The following LARP4B variants were observed in gnomAD, a reference collection of about 807,000 sequenced individuals.
LARP4B encodes the protein la-related protein 4B.
LARP4B carries 12 observed loss-of-function variants against 89.8 expected under a neutral mutation model. The observed-to-expected ratio is 0.13, with a 90% CI of 0.09 to 0.22. LARP4B has a LOEUF of 0.22. LARP4B is among the 10% of genes least tolerant of loss of function. The probability of loss-of-function intolerance (pLI) is 1.00; values close to 1 mark genes in which losing one functional copy is unlikely to be tolerated. For missense variants in LARP4B, 757 were observed against 947.7 expected (o/e 0.80, Z 2.64); for synonymous variants, 367 against 363.3 (o/e 1.01, Z -0.12).
At chr10:825,366 T>C (rs756355969) in intron 12 of LARP4B, 50 bp from the exon 13 acceptor site, 1 of 1,562,944 alleles carries the variant, frequency 6.4e-7, no homozygotes, top group African/African-American at 1.4e-5. Context: ...GATCAAGGCA[T>C]TACATAACAT....
At chr10:947,369 G>A in the LARP4B span, among the ~76,000 whole-genome samples, 6 of 152,086 alleles carry the variant, frequency 3.9e-5, no homozygotes, top group Admixed American at 3.3e-4. Flanking sequence ...TGTGGCTCTC[G>A]GGGGCAGGAT....
chr10:912,159 A>T (rs2132023451), intron 1 of LARP4B, among the ~76,000 whole-genome samples: 1 of 152,308 alleles, frequency 6.6e-6, no homozygotes, highest in South Asian at 2.1e-4. Context: ...TCTATTAATA[A>T]AAGTGGAATC....
chr10:973,372 G>A, the LARP4B span, among the ~76,000 whole-genome samples: 3 of 150,994 alleles, frequency 2.0e-5, no homozygotes, highest in Non-Finnish European at 3.0e-5. Context: ...TTTTTTTTGA[G>A]ACGGAGTCTT....
chr10:875,381 T>C (rs1835416128), intron 3 of LARP4B, among the ~76,000 whole-genome samples: 1 of 152,214 alleles, frequency 6.6e-6, no homozygotes, highest in South Asian at 2.1e-4. Flanking sequence ...TCCCCCATAA[T>C]CTGGCCCCAG....
rs1404573224 is a variant in LARP4B, at chr10:810,782, T to TG, written c.*2143dup. 3 of 138,742 alleles carry TG rather than the reference T, an allele frequency of 2.2e-5. No homozygotes were observed. Among genetic ancestry groups the TG allele is most frequent in the African/African-American group, 7.7e-5 (3 of 38,712 alleles). 8.6% of individuals were successfully genotyped at this position (138,742 alleles called of 1,614,324 possible). On this transcript the variant is annotated 3_prime_UTR_variant, in exon 18 of 18. Transcript: ENST00000316157. Reference sequence around the variant, plus strand: ...TTGGGTTTCACAGATCAATTATTTCTGATTTTTTTTTTTTTTTTGGTCAGT... The same window carrying TG: ...TTGGGTTTCACAGATCAATTATTTCTGGATTTTTTTTTTTTTTTTGGTCAGT...
chr10:848,214 AG>A (rs150781708), intron 5 of LARP4B, among the ~76,000 whole-genome samples: 2,949 of 152,300 alleles, frequency 0.019, 95 homozygotes, highest in African/African-American at 0.067. Context: ...CCTCGGTGAT[AG>A]GAACAGGCCC....
Position 813,075 on chromosome 10 carries a change from C to T in LARP4B, c.2068G>A (p.Ala690Thr), listed in dbSNP as rs764549823. 25 of 1,614,024 alleles carry T rather than the reference C, an allele frequency of 1.5e-5. No individual in the cohort carries two copies. The highest frequency in any genetic ancestry group is 2.7e-5 in the African/African-American group (2 of 74,950). The change falls in exon 18 of 18, where the codon GCA (alanine) becomes ACA (threonine). Residue 690 changes from alanine (A) to threonine (T), a missense_variant. Transcript: ENST00000316157. ...GKEEKKLAEP[A>T]ERYREPPALK... ...GCTGGGGGCTCCCGGTATCTCTCTG[C>T]GGGCTCTGCCAGCTTCTTTTCCTCC...
At chr10:867,861 TG>T (rs1432139346) in intron 3 of LARP4B, among the ~76,000 whole-genome samples, 148 of 113,272 alleles carry the variant, frequency 1.3e-3, no homozygotes, top group African/African-American at 4.9e-3. Flanking sequence ...ACTCCATCCT[TG>T]AAAAAAAAAA....
chr10:870,626 T>C (rs774403895), intron 3 of LARP4B, among the ~76,000 whole-genome samples: 1 of 152,204 alleles, frequency 6.6e-6, no homozygotes, highest in Non-Finnish European at 1.5e-5. Flanking sequence ...TTTGAAATGG[T>C]GTGCACGTTC....
At chr10:892,056 A>G (rs1052472724) in intron 1 of LARP4B, among the ~76,000 whole-genome samples, 1 of 152,244 alleles carries the variant, frequency 6.6e-6, no homozygotes, top group Non-Finnish European at 1.5e-5. Context: ...CTAGATTGTA[A>G]AGGGAAATAT....
In LARP4B at chr10:845,066, G is replaced by T. The variant is rs1219292255; in HGVS notation, c.431-11C>A. 6.3e-7 allele frequency: 1 copy of T among 1,596,944 alleles called. No individual in the cohort carries two copies. On this transcript the variant is annotated splice_polypyrimidine_tract_variant and intron_variant, in intron 5 of 17. Transcript: ENST00000316157. ...GAGACTCATTTCCTCCTACATAAAA[G>T]TAATAATCAACTTAGGAAAACCGGC...
chr10:900,530 G>A (rs1836312247), intron 1 of LARP4B, among the ~76,000 whole-genome samples: 1 of 132,138 alleles, frequency 7.6e-6, no homozygotes, highest in Admixed American at 9.0e-5. Flanking sequence ...CGACCTTCTG[G>A]GTCCAAGTGA....
chr10:948,856 TACTCC>T, the LARP4B span, among the ~76,000 whole-genome samples: 1 of 152,244 alleles, frequency 6.6e-6, no homozygotes, highest in Non-Finnish European at 1.5e-5. Flanking sequence ...CTGCAGAGTA[TACTCC>T]ATAGTGTGGG....
intron 13 of LARP4B, among the ~76,000 whole-genome samples, chr10:823,037 G>T (rs1417599911): frequency 6.6e-6 from 1 of 152,214 alleles, no homozygotes; most frequent in Non-Finnish European, 1.5e-5. Context: ...GGCAAGCAAG[G>T]CCTGGCACAC....
chr10:972,353 C>T, the LARP4B span: 2 of 399,680 alleles, frequency 5.0e-6, no homozygotes, highest in Non-Finnish European at 9.7e-6. Context: ...CACCCACTTC[C>T]ACCAGGGGAA....
intron 3 of LARP4B, among the ~76,000 whole-genome samples, chr10:867,157 G>A (rs1321888178): frequency 5.9e-5 from 9 of 152,196 alleles, no homozygotes; most frequent in Non-Finnish European, 1.2e-4. Context: ...ATGCAGTTAG[G>A]AAATGTTCAA....
chr10:837,766 G>A (rs533680686), intron 7 of LARP4B, among the ~76,000 whole-genome samples: 1 of 152,096 alleles, frequency 6.6e-6, no homozygotes, highest in African/African-American at 2.4e-5. Context: ...TGACAGACTC[G>A]AATGTTCAAA....
intron 1 of LARP4B, among the ~76,000 whole-genome samples, chr10:887,981 G>A (rs1835912085): frequency 6.6e-6 from 1 of 150,904 alleles, no homozygotes; most frequent in African/African-American, 2.4e-5. Flanking sequence ...CTGAGATCTC[G>A]CCACTGCACT....
upstream of LARP4B, among the ~76,000 whole-genome samples, chr10:932,406 C>A (rs1359489399): frequency 0.036 from 3,020 of 83,850 alleles, 8 homozygotes; most frequent in Non-Finnish European, 0.058. Flanking sequence ...CTCACCCCAC[C>A]CCCGGGACCA....
Sources: allele counts gnomAD v4.1 joint callset (sites outside exome capture counted in the v4.1 genomes callset), GRCh38; gene constraint gnomAD v4.1.1; transcripts MANE v1.5; gene names NCBI Gene and HGNC (gene_info 2026-07-23, HGNC 2026-07-21).